TGFBR2: variants seen among roughly 807,000 people sequenced by gnomAD.
TGFBR2 encodes the protein TGF-beta receptor type-2.
In TGFBR2, 18 loss-of-function variants were observed where a neutral mutation model predicts 49.0. That is an observed-to-expected ratio of 0.37 (90% CI 0.25 to 0.54). The LOEUF (loss-of-function observed/expected upper bound fraction) is 0.54. Among genes scored for constraint, TGFBR2 ranks in the 20% least tolerant of loss-of-function variants. TGFBR2 has a pLI of 0.85. For missense variants in TGFBR2, 525 were observed against 722.6 expected (o/e 0.73, Z 3.13); for synonymous variants, 282 against 275.9 (o/e 1.02, Z -0.22).
chr3:30,625,233 T>TA (rs889472517), intron 1 of TGFBR2, among the ~76,000 whole-genome samples: 3 of 152,056 alleles, frequency 2.0e-5, no homozygotes, highest in Admixed American at 6.5e-5. Flanking sequence ...TTTAATGGAA[T>TA]AAAAAAAGAA....
chr3:30,659,250 T>C (rs980689151), intron 3 of TGFBR2, among the ~76,000 whole-genome samples: 1 of 152,174 alleles, frequency 6.6e-6, no homozygotes, highest in Non-Finnish European at 1.5e-5. Context: ...TGTGGAAATA[T>C]GGTTGAGAAA....
rs540243960 is a variant in TGFBR2, at chr3:30,660,681, G to A, written c.454+10221G>A. ...AGGAATAGCAAGACACTTTAAGAGG[G>A]GATATTATTTTGTTTTCTACAACAA... On this transcript the variant is annotated intron_variant, in intron 3 of 6. Coordinates refer to ENST00000295754, the MANE Select transcript of TGFBR2 (RefSeq NM_003242.6). 7.2e-5 allele frequency among the ~76,000 whole-genome samples: 11 copies of A among 152,214 alleles called. No homozygotes were observed. In the East Asian group the frequency reaches 1.3e-3, roughly 19 times the overall value.
chr3:30,691,705 G>C lies in TGFBR2; in HGVS notation c.*106G>C. The C allele has an allele frequency of 3.0e-6, 4 of 1,319,290 alleles. No homozygotes were observed. Among genetic ancestry groups the C allele is most frequent in the Non-Finnish European group, 4.4e-6 (4 of 918,870 alleles). The allele number at this position is 1,319,290 out of a possible 1,614,324, so 81.7% of individuals were successfully genotyped here. On this transcript the variant is annotated 3_prime_UTR_variant, in exon 7 of 7. Transcript: ENST00000295754. Reference sequence around the variant, plus strand: ...AACTGATGCTTCCTGGAAAACCAAGGGGGTCACTCCCCTCCCTGTAAGCTG... The same window carrying C: ...AACTGATGCTTCCTGGAAAACCAAGCGGGTCACTCCCCTCCCTGTAAGCTG...
intron 1 of TGFBR2, among the ~76,000 whole-genome samples, chr3:30,625,126 C>T (rs1010045155): frequency 6.6e-6 from 1 of 152,074 alleles, no homozygotes; most frequent in African/African-American, 2.4e-5. Flanking sequence ...CCTGTTAAGG[C>T]AGATGTTATT....
intron 3 of TGFBR2, among the ~76,000 whole-genome samples, chr3:30,664,496 T>C (rs1344077432): frequency 6.6e-6 from 1 of 152,170 alleles, no homozygotes; most frequent in Non-Finnish European, 1.5e-5. Flanking sequence ...TAAAGACAAA[T>C]GTCAAATTCT....
At chr3:30,611,129 C>T (rs1381451471) in intron 1 of TGFBR2, among the ~76,000 whole-genome samples, 1 of 152,166 alleles carries the variant, frequency 6.6e-6, no homozygotes, top group Non-Finnish European at 1.5e-5. Context: ...CTCTCTTGCC[C>T]ATTATACCTT....
chr3:30,676,460 A>G lies in TGFBR2; in HGVS notation c.1396+2214A>G, dbSNP rs1324092413. ...TTATTAATATGCATTCTCCTTTAAAAAAGATCTGTCTCTTCTGACACCATC... is the reference window on the plus strand; with the variant it reads ...TTATTAATATGCATTCTCCTTTAAAGAAGATCTGTCTCTTCTGACACCATC... On this transcript the variant is annotated intron_variant, in intron 5 of 6. Transcript: ENST00000295754. The surrounding 1 kb of genome is among the most constrained non-coding windows in gnomAD (Gnocchi z 4.3). Among the ~76,000 whole-genome samples the G allele has an allele frequency of 2.6e-5, 4 of 152,134 alleles. No individual in the cohort carries two copies. Among genetic ancestry groups the G allele is most frequent in the African/African-American group, 9.7e-5 (4 of 41,378 alleles).
chr3:30,670,796 T>C (rs1422638861), intron 3 of TGFBR2, among the ~76,000 whole-genome samples: 2 of 152,262 alleles, frequency 1.3e-5, no homozygotes, highest in African/African-American at 4.8e-5. Flanking sequence ...GTTTTACCTT[T>C]GCGGCCATGT....
rs1699739701 is a variant in TGFBR2, at chr3:30,692,893, A to G, written c.*1294A>G. The G allele has an allele frequency of 4.3e-6, 1 of 233,132 alleles. No individual in the cohort carries two copies. Among genetic ancestry groups the G allele is most frequent in the Non-Finnish European group, 8.5e-6 (1 of 117,954 alleles). 14.4% of individuals were successfully genotyped at this position (233,132 alleles called of 1,614,324 possible). ...CAGTTATCTCCAGTCCACGTTCACA[A>G]AATGTGAAGGTGTGGAGACACTTAC... On this transcript the variant is annotated 3_prime_UTR_variant, in exon 7 of 7. Coordinates refer to ENST00000295754, the MANE Select transcript of TGFBR2 (RefSeq NM_003242.6).
rs530805737 is a variant in TGFBR2, at chr3:30,653,833, G to A, written c.454+3373G>A. 5.3e-5 allele frequency among the ~76,000 whole-genome samples: 8 copies of A among 152,196 alleles called. No individual in the cohort carries two copies. The South Asian group carries it at 1.7e-3, about 32-fold the overall frequency. ...GAGAAAACATACTGTCGCTGTGCAG[G>A]GAGCTCAGCCCTTTCCAAGCATGAC... On this transcript the variant is annotated intron_variant, in intron 3 of 6. Coordinates refer to ENST00000295754, the MANE Select transcript of TGFBR2 (RefSeq NM_003242.6).
intron 1 of TGFBR2, among the ~76,000 whole-genome samples, chr3:30,635,197 T>C (rs773282850): frequency 1.3e-5 from 2 of 152,250 alleles, no homozygotes; most frequent in Non-Finnish European, 2.9e-5. Flanking sequence ...GCTTTTTGAA[T>C]ATGGCACAAG....
intron 1 of TGFBR2, among the ~76,000 whole-genome samples, chr3:30,627,701 G>A (rs1698359356): frequency 6.6e-6 from 1 of 151,856 alleles, no homozygotes; most frequent in Admixed American, 6.6e-5. Flanking sequence ...CACCTTTGCA[G>A]GAAGTTCTAT....
intron 1 of TGFBR2, among the ~76,000 whole-genome samples, chr3:30,634,200 G>A (rs1377460428): frequency 2.0e-5 from 3 of 152,070 alleles, no homozygotes; most frequent in Non-Finnish European, 4.4e-5. Flanking sequence ...CTTAGTTGAG[G>A]CAAATGGTTC....
intron 3 of TGFBR2, among the ~76,000 whole-genome samples, chr3:30,666,577 C>G (rs1480007200): frequency 1.3e-5 from 2 of 152,034 alleles, no homozygotes; most frequent in African/African-American, 2.4e-5. Context: ...AAGAAAAACA[C>G]TTTATCAAAT....
intron 5 of TGFBR2, among the ~76,000 whole-genome samples, chr3:30,682,350 G>T (rs1699554908): frequency 6.6e-6 from 1 of 152,224 alleles, no homozygotes; most frequent in Non-Finnish European, 1.5e-5. Flanking sequence ...AATGCATATT[G>T]TTAGCTCTTC....
intron 1 of TGFBR2, among the ~76,000 whole-genome samples, chr3:30,620,153 C>G (rs1028399974): frequency 1.3e-5 from 2 of 152,304 alleles, no homozygotes; most frequent in South Asian, 2.1e-4. Context: ...CGCCACTGCA[C>G]TCCAGCCTAG....
Position 30,676,494 on chromosome 3 carries a change from T to A in TGFBR2, c.1396+2248T>A, listed in dbSNP as rs1239539618. Among the ~76,000 whole-genome samples, 1 of 152,238 alleles carries A rather than the reference T, an allele frequency of 6.6e-6. No individual in the cohort carries two copies. The highest frequency in any genetic ancestry group is 1.5e-5 in the Non-Finnish European group (1 of 68,040). ...TCTCTTCTGACACCATCCCCTGTTC[T>A]TTGTTTACTAATTATGTATTTATAT... On this transcript the variant is annotated intron_variant, in intron 5 of 6. Coordinates refer to ENST00000295754, the MANE Select transcript of TGFBR2 (RefSeq NM_003242.6). This position sits in a 1 kb window ranked among gnomAD's most constrained non-coding sequence, Gnocchi z 4.3.
chr3:30,649,872 T>C (rs1698847061), intron 2 of TGFBR2, among the ~76,000 whole-genome samples: 1 of 152,188 alleles, frequency 6.6e-6, no homozygotes, highest in African/African-American at 2.4e-5. Flanking sequence ...GATGTGAGGT[T>C]TGCATTACAT....
rs576800011 is a variant in TGFBR2, at chr3:30,693,496, T to C, written c.*1897T>C. 3 of 233,608 alleles carry C rather than the reference T, an allele frequency of 1.3e-5. No homozygotes were observed. The East Asian group carries it at 1.8e-4, about 14-fold the overall frequency. 14.5% of individuals were successfully genotyped at this position (233,608 alleles called of 1,614,324 possible). A position where few individuals can be genotyped will look rare whatever the true frequency, so the allele number is the denominator to read the frequency against. ...ATTAGAGAGGGACTGGTAGTGAGAA[T>C]ATCAGCTCTGTTTGGATGGTGGAAG... On this transcript the variant is annotated 3_prime_UTR_variant, in exon 7 of 7. Coordinates refer to ENST00000295754, the MANE Select transcript of TGFBR2 (RefSeq NM_003242.6).
Sources: gnomAD v4.1 joint callset for allele counts (sites outside exome capture counted in the v4.1 genomes callset) on GRCh38, gnomAD v4.1.1 for gene constraint, Gnocchi (gnomAD v3.1) non-coding constraint, MANE v1.5 for transcripts, NCBI Gene and HGNC (gene_info 2026-07-23, HGNC 2026-07-21) for gene names.